GRM7: variants seen among roughly 807,000 people sequenced by gnomAD.
GRM7 encodes the protein metabotropic glutamate receptor 7.
In GRM7, 35 loss-of-function variants were observed where a neutral mutation model predicts 84.5. The ratio of observed to expected loss-of-function variants is 0.41; its 90% confidence interval spans 0.32 to 0.55. GRM7 has a LOEUF of 0.55. Among genes scored for constraint, GRM7 ranks in the 20% least tolerant of loss-of-function variants. The probability of loss-of-function intolerance (pLI) is 0.19; values close to 1 mark genes in which losing one functional copy is unlikely to be tolerated. For synonymous variants in GRM7, 487 were observed against 455.1 expected, an observed-to-expected ratio of 1.07 and a Z score of -0.89; for missense variants, 1,003 against 1,194.6, an observed-to-expected ratio of 0.84 and a Z score of 2.36.
chr3:6,964,398 C>G (rs989014247), intron 1 of GRM7, among the ~76,000 whole-genome samples: 1 of 152,110 alleles, frequency 6.6e-6, no homozygotes, highest in African/African-American at 2.4e-5. Flanking sequence ...TATGAGGGCA[C>G]TAATCCCATT....
At chr3:7,082,090 C>T (rs1698292520) in intron 1 of GRM7, among the ~76,000 whole-genome samples, 1 of 152,078 alleles carries the variant, frequency 6.6e-6, no homozygotes, top group African/African-American at 2.4e-5. Context: ...GATGACGACA[C>T]TAAACAACAT....
At chr3:7,052,227 C>T (rs1056035163) in intron 1 of GRM7, among the ~76,000 whole-genome samples, 2 of 151,662 alleles carry the variant, frequency 1.3e-5, no homozygotes, top group South Asian at 4.1e-4. Flanking sequence ...AGATTCCATG[C>T]TGGTAAAAAC....
intron 7 of GRM7, among the ~76,000 whole-genome samples, chr3:7,566,462 T>G (rs537769740): frequency 2.0e-4 from 31 of 152,292 alleles, no homozygotes; most frequent in Non-Finnish European, 4.0e-4. Context: ...TTCAGGCTTT[T>G]AAAAAAGTAT....
At chr3:6,936,438 C>T (rs193279334) in intron 1 of GRM7, among the ~76,000 whole-genome samples, 37 of 152,196 alleles carry the variant, frequency 2.4e-4, no homozygotes, top group African/African-American at 8.2e-4. Context: ...CAGTCATGCT[C>T]TCTCCAACTA....
At chr3:7,485,647 T>C (rs1699292908) in intron 7 of GRM7, among the ~76,000 whole-genome samples, 1 of 152,222 alleles carries the variant, frequency 6.6e-6, no homozygotes, top group Admixed American at 6.5e-5. Context: ...TATCAGAAGG[T>C]ACTTAAGGAA....
intron 1 of GRM7, among the ~76,000 whole-genome samples, chr3:7,135,993 T>A (rs555298842): frequency 5.3e-5 from 8 of 152,220 alleles, no homozygotes; most frequent in African/African-American, 1.9e-4. Context: ...TAAGGGAGTA[T>A]GTTTCCAAGC....
rs1474803038 is a variant in GRM7, at chr3:7,461,153, A to G, written c.1376-430A>G. ...GTTTTCTAAATTGCATTTCTCTTTT[A>G]ACATTAATTTGTTGTTTTTGAAATT... On this transcript the variant is annotated intron_variant, in intron 6 of 9. Coordinates refer to ENST00000357716, the MANE Select transcript of GRM7 (RefSeq NM_000844.4). Among the ~76,000 whole-genome samples, 4 of 152,172 alleles carry G rather than the reference A, an allele frequency of 2.6e-5. No individual in the cohort carries two copies. In the East Asian group the frequency reaches 7.7e-4, roughly 29 times the overall value.
chr3:6,954,000 T>C (rs1692908277), intron 1 of GRM7, among the ~76,000 whole-genome samples: 1 of 152,214 alleles, frequency 6.6e-6, no homozygotes. Flanking sequence ...AGTGCCCTCC[T>C]TGTGGATGGC....
chr3:7,447,725 C>T (rs1488756131), intron 5 of GRM7, among the ~76,000 whole-genome samples: 1 of 125,900 alleles, frequency 7.9e-6, no homozygotes, highest in East Asian at 2.0e-4. Context: ...CCCCAGCAAA[C>T]TCTTTTTTTT....
intron 9 of GRM7, among the ~76,000 whole-genome samples, chr3:7,731,703 T>C (rs1575679418): frequency 6.6e-6 from 1 of 152,172 alleles, no homozygotes; most frequent in Admixed American, 6.5e-5. Flanking sequence ...TTCTAAGACA[T>C]GCAATTTCCC....
intron 7 of GRM7, 145 bp from the exon 8 acceptor site, chr3:7,578,277 A>G: frequency 1.6e-6 from 1 of 615,546 alleles, no homozygotes; most frequent in East Asian, 2.8e-5. Context: ...CTCAAATCAT[A>G]CTTGTAACTC....
intron 1 of GRM7, among the ~76,000 whole-genome samples, chr3:6,887,023 G>T (rs1402905647): frequency 2.0e-5 from 3 of 151,690 alleles, no homozygotes; most frequent in Admixed American, 6.6e-5. Context: ...CTCTGAATTT[G>T]TTGTTGTTTT....
At chr3:7,256,265 G>A (rs1407775232) in intron 2 of GRM7, among the ~76,000 whole-genome samples, 2 of 152,130 alleles carry the variant, frequency 1.3e-5, no homozygotes, top group African/African-American at 4.8e-5. Context: ...CCTACTTGAA[G>A]GAAATCACTA....
At chr3:7,488,536 T>G (rs1699404961) in intron 7 of GRM7, among the ~76,000 whole-genome samples, 1 of 152,166 alleles carries the variant, frequency 6.6e-6, no homozygotes, top group Non-Finnish European at 1.5e-5. Flanking sequence ...CAGAGCAAAT[T>G]AAGGCTGGCC....
rs189107996 is a variant in GRM7 at position 7,688,909 on chromosome 3, T to C, written c.2698+8614T>C. Reference sequence around the variant, plus strand: ...AAATGCATTCTGTAACATGCCACTGTTTAAAAGCACTCTCAGGTGACAAAC... The same window carrying C: ...AAATGCATTCTGTAACATGCCACTGCTTAAAAGCACTCTCAGGTGACAAAC... On this transcript the variant is annotated intron_variant, in intron 9 of 9. Coordinates refer to ENST00000357716, the MANE Select transcript of GRM7 (RefSeq NM_000844.4). Among the ~76,000 whole-genome samples the C allele has an allele frequency of 2.8e-3, 423 of 152,280 alleles. 7 individuals are homozygous for C. Among genetic ancestry groups the C allele is most frequent in the Middle Eastern group, 0.02 (6 of 294 alleles).
intron 8 of GRM7, among the ~76,000 whole-genome samples, chr3:7,603,897 G>A (rs148974897): frequency 2.5e-3 from 384 of 152,268 alleles, no homozygotes; most frequent in African/African-American, 8.6e-3. Flanking sequence ...GCACACATTT[G>A]TATGGAATAA....
At chr3:7,733,748 G>C (rs1170617000) in intron 9 of GRM7, among the ~76,000 whole-genome samples, 1 of 152,150 alleles carries the variant, frequency 6.6e-6, no homozygotes, top group Non-Finnish European at 1.5e-5. Context: ...ATTTATTGAA[G>C]TAATTTATGT....
At chr3:7,065,326 T>G (rs1014242827) in intron 1 of GRM7, among the ~76,000 whole-genome samples, 2 of 151,988 alleles carry the variant, frequency 1.3e-5, no homozygotes, top group Non-Finnish European at 2.9e-5. Context: ...GTTTCAGATC[T>G]TAAGTTTAAG....
intron 1 of GRM7, among the ~76,000 whole-genome samples, chr3:7,058,018 T>C (rs1202031328): frequency 6.6e-6 from 1 of 151,962 alleles, no homozygotes; most frequent in African/African-American, 2.4e-5. Context: ...CTTGACCCAG[T>C]AAAATTTCCT....
Sources: allele counts gnomAD v4.1 joint callset (sites outside exome capture counted in the v4.1 genomes callset), GRCh38; gene constraint gnomAD v4.1.1; transcripts MANE v1.5; gene names NCBI Gene and HGNC (gene_info 2026-07-23, HGNC 2026-07-21).